Variants in FBXL2 observed in about 807,000 individuals in gnomAD.
FBXL2 encodes the protein F-box/LRR-repeat protein 2.
In FBXL2, 38 loss-of-function variants were observed where a neutral mutation model predicts 69.2. The observed-to-expected ratio is 0.55, with a 90% CI of 0.42 to 0.72. FBXL2 has a LOEUF of 0.72. Among genes scored for constraint, FBXL2 ranks in the 30% least tolerant of loss-of-function variants. FBXL2 has a pLI of 0.00. For synonymous variants in FBXL2, 192 were observed against 201.3 expected (o/e 0.95, Z 0.39); for missense variants, 354 against 520.3 (o/e 0.68, Z 3.11).
the FBXL2 span, chr3:33,415,960 T>A: frequency 6.6e-6 from 1 of 152,152 alleles, no homozygotes; most frequent in Admixed American, 6.6e-5. Context: ...AAATTTAGAT[T>A]GCCTGAATCC....
At chr3:33,418,615 T>C in the FBXL2 span, among the ~76,000 whole-genome samples, 3 of 151,790 alleles carry the variant, frequency 2.0e-5, no homozygotes, top group East Asian at 2.0e-4. Context: ...TCCCAGCACT[T>C]TGGGAGCCCG....
chr3:33,378,097 T>C lies in FBXL2; in HGVS notation c.850-6T>C. 1.2e-6 allele frequency: 2 copies of C among 1,614,210 alleles called. No individual in the cohort carries two copies. Among genetic ancestry groups the C allele is most frequent in the Non-Finnish European group, 1.7e-6 (2 of 1,180,016 alleles). On this transcript the variant is annotated splice_region_variant and splice_polypyrimidine_tract_variant and intron_variant, in intron 11 of 14. Transcript: ENST00000484457. ...CATGTGGGGTGTGTCTTGTGGACTC[T>C]TCCAGAATTGCCACGAATTGGAGAA... is the stretch of plus-strand genomic sequence containing the variant.
rs1407976372 is a variant in FBXL2 at position 33,395,766 on chromosome 3, AAAAAAAAG to A, written n.1215-7462_1215-7455del. Among the ~76,000 whole-genome samples, 3 of 151,340 alleles carry A rather than the reference AAAAAAAAG, an allele frequency of 2.0e-5. No individual in the cohort carries two copies. In the East Asian group the frequency reaches 5.8e-4, roughly 29 times the overall value. ...AGGAAAATTGAAAAAAAAAAAAAAAAAAAAAAAGAAAAAGGAAAGAAAAACCCTCCTGC... is the reference window on the plus strand; with the variant it reads ...AGGAAAATTGAAAAAAAAAAAAAAAAAAAAAGGAAAGAAAAACCCTCCTGC... On this transcript the variant is annotated intron_variant and non_coding_transcript_variant, in intron 12 of 12. Coordinates refer to the FBXL2 transcript ENST00000463736.
At chr3:33,412,214 G>A in the FBXL2 span, among the ~76,000 whole-genome samples, 1 of 149,544 alleles carries the variant, frequency 6.7e-6, no homozygotes, top group Non-Finnish European at 1.5e-5. Context: ...AAAGATAGAT[G>A]GTTTACAATT....
chr3:33,343,944 A>G (rs893623324), intron 2 of FBXL2, among the ~76,000 whole-genome samples: 4 of 152,112 alleles, frequency 2.6e-5, no homozygotes, highest in Non-Finnish European at 2.9e-5. Context: ...TAAAAAATAT[A>G]TAAGCATTTA....
chr3:33,281,778 C>G (rs999315768), intron 1 of FBXL2, among the ~76,000 whole-genome samples: 1 of 151,996 alleles, frequency 6.6e-6, no homozygotes, highest in Non-Finnish European at 1.5e-5. Flanking sequence ...TTTTGATTTG[C>G]ATTTCTCTGA....
At chr3:33,359,256 C>T (rs1162939243) in intron 3 of FBXL2, 27 bp from the exon 4 acceptor site, 1 of 1,586,744 alleles carries the variant, frequency 6.3e-7, no homozygotes, top group South Asian at 1.1e-5. Flanking sequence ...CATCCCAATC[C>T]CTCTTCCTTT....
the FBXL2 span, among the ~76,000 whole-genome samples, chr3:33,417,195 G>T: frequency 6.6e-6 from 1 of 152,106 alleles, no homozygotes; most frequent in African/African-American, 2.4e-5. Flanking sequence ...TTGGTTTTCA[G>T]TATAGTCAGA....
chr3:33,350,776 T>A (rs2040773932), intron 2 of FBXL2, among the ~76,000 whole-genome samples: 1 of 152,082 alleles, frequency 6.6e-6, no homozygotes, highest in Non-Finnish European at 1.5e-5. Flanking sequence ...GCTTTCTCCC[T>A]GAGATTGGGA....
intron 2 of FBXL2, among the ~76,000 whole-genome samples, chr3:33,304,340 T>C (rs571258091): frequency 2.0e-5 from 3 of 152,156 alleles, no homozygotes; most frequent in African/African-American, 7.2e-5. Context: ...TAAAACTTTT[T>C]ATCTTAAATA....
intron 2 of FBXL2, among the ~76,000 whole-genome samples, chr3:33,334,750 G>C (rs543571379): frequency 1.3e-5 from 2 of 152,180 alleles, no homozygotes; most frequent in South Asian, 4.2e-4. Context: ...CAACGATAAA[G>C]AGAAAGCTTA....
chr3:33,309,861 C>T (rs968683777), intron 2 of FBXL2, among the ~76,000 whole-genome samples: 4 of 152,040 alleles, frequency 2.6e-5, no homozygotes, highest in Admixed American at 6.6e-5. Context: ...AAGCTGTTAA[C>T]GACTTTAATC....
chr3:33,299,754 A>T (rs1404405316), intron 2 of FBXL2, among the ~76,000 whole-genome samples: 2 of 152,210 alleles, frequency 1.3e-5, no homozygotes, highest in Non-Finnish European at 2.9e-5. Flanking sequence ...AATATCAATT[A>T]TATTTTCCAA....
intron 13 of FBXL2, among the ~76,000 whole-genome samples, chr3:33,380,046 G>C (rs2042928944): frequency 1.3e-5 from 2 of 151,630 alleles, no homozygotes. Flanking sequence ...TCCTGGCCAA[G>C]ATGGTGAAAC....
At chr3:33,422,464 C>T in the FBXL2 span, among the ~76,000 whole-genome samples, 3 of 152,078 alleles carry the variant, frequency 2.0e-5, no homozygotes, top group Non-Finnish European at 4.4e-5. Context: ...CGCCTATAAT[C>T]CCAGCACTTT....
At chr3:33,396,809 A>T in intron 12 of FBXL2, 1 of 662,372 alleles carries the variant, frequency 1.5e-6, no homozygotes, top group African/African-American at 1.8e-5. Context: ...AGTACTGCCC[A>T]TGTGCATTTC....
chr3:33,346,797 G>T (rs1392073101), intron 2 of FBXL2, among the ~76,000 whole-genome samples: 2 of 149,660 alleles, frequency 1.3e-5, no homozygotes, highest in African/African-American at 5.0e-5. Context: ...GATAATAAAG[G>T]AATATTATCA....
chr3:33,408,932 AC>A, the FBXL2 span: 2 of 935,562 alleles, frequency 2.1e-6, no homozygotes, highest in Non-Finnish European at 3.2e-6. Context: ...AAAATGCAAA[AC>A]CCCAGCAGTG....
intron 13 of FBXL2, among the ~76,000 whole-genome samples, chr3:33,380,960 G>A (rs2043012619): frequency 6.6e-6 from 1 of 152,162 alleles, no homozygotes; most frequent in Non-Finnish European, 1.5e-5. Flanking sequence ...TGTAAAAAGG[G>A]AATAATGACA....
Sources: gnomAD v4.1 joint callset for allele counts (sites outside exome capture counted in the v4.1 genomes callset) on GRCh38, gnomAD v4.1.1 for gene constraint, MANE v1.5 for transcripts, NCBI Gene and HGNC (gene_info 2026-07-23, HGNC 2026-07-21) for gene names.